DNER: variants seen among roughly 807,000 people sequenced by gnomAD.
DNER encodes delta and Notch-like epidermal growth factor-related receptor.
A neutral mutation model predicts 78.2 loss-of-function variants in DNER; 33 were observed. That is an observed-to-expected ratio of 0.42 (90% CI 0.32 to 0.56). The LOEUF (loss-of-function observed/expected upper bound fraction) is 0.56. Among genes scored for constraint, DNER ranks in the 20% least tolerant of loss-of-function variants. The probability of loss-of-function intolerance (pLI) is 0.11; values close to 1 mark genes in which losing one functional copy is unlikely to be tolerated. For missense variants in DNER, 918 were observed against 975.3 expected, an observed-to-expected ratio of 0.94 and a Z score of 0.78; for synonymous variants, 417 against 384.8, an observed-to-expected ratio of 1.08 and a Z score of -0.98.
At chr2:229,561,089 C>G (rs1021193745) in intron 4 of DNER, among the ~76,000 whole-genome samples, 2 of 152,132 alleles carry the variant, frequency 1.3e-5, no homozygotes, top group African/African-American at 2.4e-5. Context: ...CGTTTAGATG[C>G]TTAAAAGAGC....
chr2:229,539,113 T>C (rs1696466426), intron 5 of DNER, among the ~76,000 whole-genome samples: 1 of 152,212 alleles, frequency 6.6e-6, no homozygotes, highest in South Asian at 2.1e-4. Context: ...AGGAAAGGTC[T>C]TTCCTTTGAT....
At chr2:229,542,596 T>G (rs1382876921) in intron 5 of DNER, among the ~76,000 whole-genome samples, 1 of 152,152 alleles carries the variant, frequency 6.6e-6, no homozygotes, top group African/African-American at 2.4e-5. Context: ...CTATTTGTTT[T>G]GTGCTATGGA....
intron 5 of DNER, among the ~76,000 whole-genome samples, chr2:229,519,067 C>A (rs1286825669): frequency 6.6e-6 from 1 of 151,720 alleles, no homozygotes; most frequent in Non-Finnish European, 1.5e-5. Flanking sequence ...TCCTTTCTAA[C>A]TTGGACAATG....
At chr2:229,467,297 G>A (rs1416644756) in intron 7 of DNER, among the ~76,000 whole-genome samples, 3 of 152,088 alleles carry the variant, frequency 2.0e-5, no homozygotes, top group South Asian at 2.1e-4. Context: ...GAGGAGAGGC[G>A]TCAGTATCTA....
Position 229,591,947 on chromosome 2 carries a change from T to C in DNER, c.277-59A>G, listed in dbSNP as rs1288456675. The C allele has an allele frequency of 2.1e-6, 3 of 1,450,036 alleles. No homozygotes were observed. In the East Asian group the frequency reaches 7.5e-5, roughly 36 times the overall value. The allele number at this position is 1,450,036 out of a possible 1,614,324, so 89.8% of individuals were successfully genotyped here. A position where few individuals can be genotyped will look rare whatever the true frequency, so the allele number is the denominator to read the frequency against. ...CTCATAAGAAAAGTGGTGCCATCGC[T>C]GGGAAATTAGCTCTGTGTCTCAGAG... On this transcript the variant is annotated intron_variant, in intron 1 of 12. Coordinates refer to ENST00000341772, the MANE Select transcript of DNER (RefSeq NM_139072.4). This position sits in a 1 kb window ranked among gnomAD's most constrained non-coding sequence, Gnocchi z 4.6.
At chr2:229,677,559 C>A (rs1317004697) in intron 1 of DNER, among the ~76,000 whole-genome samples, 1 of 152,166 alleles carries the variant, frequency 6.6e-6, no homozygotes, top group Non-Finnish European at 1.5e-5. Flanking sequence ...ACTTTGAAGA[C>A]CCACTCTCTT....
intron 4 of DNER, among the ~76,000 whole-genome samples, chr2:229,563,011 C>T (rs1373199298): frequency 2.0e-5 from 3 of 151,436 alleles, no homozygotes; most frequent in Admixed American, 6.6e-5. Context: ...ATCATCACCC[C>T]ACCACCATCA....
At chr2:229,550,648 T>C (rs1390480554) in intron 4 of DNER, among the ~76,000 whole-genome samples, 2 of 152,140 alleles carry the variant, frequency 1.3e-5, no homozygotes, top group East Asian at 3.9e-4. Context: ...TGGTGGTGTG[T>C]GACTGTAGTC....
At chr2:229,408,365 T>A (rs572268243) in intron 9 of DNER, among the ~76,000 whole-genome samples, 1 of 152,186 alleles carries the variant, frequency 6.6e-6, no homozygotes, top group African/African-American at 2.4e-5. Flanking sequence ...GATGTTACAC[T>A]GGATGCCAAG....
At chr2:229,505,968 A>G (rs2154212109) in intron 6 of DNER, among the ~76,000 whole-genome samples, 1 of 152,284 alleles carries the variant, frequency 6.6e-6, no homozygotes, top group South Asian at 2.1e-4. Flanking sequence ...GGGCTATAAA[A>G]TAGCTTTGTT....
chr2:229,405,031 T>C (rs971559964), intron 10 of DNER, among the ~76,000 whole-genome samples: 2 of 152,182 alleles, frequency 1.3e-5, no homozygotes, highest in African/African-American at 2.4e-5. Flanking sequence ...GATAAACTGT[T>C]ATATACTTAA....
At chr2:229,473,264 A>G (rs1384505630) in intron 7 of DNER, among the ~76,000 whole-genome samples, 2 of 152,240 alleles carry the variant, frequency 1.3e-5, no homozygotes, top group African/African-American at 2.4e-5. Flanking sequence ...TAAACAGCAG[A>G]GACATTTAGA....
chr2:229,561,578 T>C (rs771513819), intron 4 of DNER, among the ~76,000 whole-genome samples: 2 of 152,168 alleles, frequency 1.3e-5, no homozygotes, highest in Non-Finnish European at 2.9e-5. Context: ...TGAGAGTCCT[T>C]CCTAGACTGA....
chr2:229,410,418 G>T (rs1402544949), intron 9 of DNER, among the ~76,000 whole-genome samples: 1 of 152,236 alleles, frequency 6.6e-6, no homozygotes, highest in African/African-American at 2.4e-5. Flanking sequence ...GCGACAGCCA[G>T]TGTACTTTGG....
intron 7 of DNER, among the ~76,000 whole-genome samples, chr2:229,448,642 T>C (rs2106362766): frequency 6.6e-6 from 1 of 152,350 alleles, no homozygotes; most frequent in Admixed American, 6.5e-5. Flanking sequence ...GATTCAGTAT[T>C]TCTTGTTAAA....
intron 3 of DNER, among the ~76,000 whole-genome samples, chr2:229,587,981 A>T (rs937500238): frequency 2.0e-5 from 3 of 152,136 alleles, no homozygotes; most frequent in African/African-American, 2.4e-5. Context: ...AAAATTATAA[A>T]AAATAAAGAG....
Position 229,418,128 on chromosome 2 carries a change from A to G in DNER, c.1589T>C (p.Val530Ala). 2 of 1,614,198 alleles carry G rather than the reference A, an allele frequency of 1.2e-6. No individual in the cohort carries two copies. Among genetic ancestry groups the G allele is most frequent in the Non-Finnish European group, 1.7e-6 (2 of 1,180,006 alleles). Residue 530 changes from valine to alanine, a missense_variant, in exon 9 of 13, where the codon GTG becomes GCG. Physicochemically the swap from Val to Ala is moderately conservative, Grantham distance 64. Coordinates refer to ENST00000341772, the MANE Select transcript of DNER (RefSeq NM_139072.4). ...CRDLVNGYEC[V>A]CLAEYKGTHC... Reference sequence around the variant, plus strand: ...CTCACCTTTGTATTCTGCCAGGCACACACACTCATAGCCATTAACGAGGTC... The same window carrying G: ...CTCACCTTTGTATTCTGCCAGGCACGCACACTCATAGCCATTAACGAGGTC...
At chr2:229,414,991 T>C (rs1233198167) in intron 9 of DNER, among the ~76,000 whole-genome samples, 1 of 151,966 alleles carries the variant, frequency 6.6e-6, no homozygotes, top group African/African-American at 2.4e-5. Flanking sequence ...GGAGAAACTT[T>C]GTCTCTACTA....
chr2:229,635,361 G>GAAAAAAAAA (rs58220819), intron 1 of DNER, among the ~76,000 whole-genome samples: 3 of 85,890 alleles, frequency 3.5e-5, no homozygotes, highest in African/African-American at 1.0e-4. Flanking sequence ...GGTCCCACAG[G>GAAAAAAAAA]AAAAAAAAAA....
Sources: gnomAD v4.1 joint callset for allele counts (sites outside exome capture counted in the v4.1 genomes callset) on GRCh38, gnomAD v4.1.1 for gene constraint, Gnocchi (gnomAD v3.1) non-coding constraint, MANE v1.5 for transcripts, NCBI Gene and HGNC (gene_info 2026-07-23, HGNC 2026-07-21) for gene names.